The following CAMTA1 variants were observed in gnomAD, a reference collection of about 807,000 sequenced individuals.
CAMTA1 encodes the protein calmodulin binding transcription activator 1, also known as calmodulin-binding transcription activator 1.
A neutral mutation model predicts 170.9 loss-of-function variants in CAMTA1; 27 were observed. That is an observed-to-expected ratio of 0.16 (90% CI 0.12 to 0.22). The LOEUF is 0.22. Among genes scored for constraint, CAMTA1 ranks in the 10% least tolerant of loss-of-function variants. The pLI is 1.00. For synonymous variants in CAMTA1, 833 were observed against 891.5 expected (o/e 0.93, Z 1.17); for missense variants, 1,619 against 2,217.2 (o/e 0.73, Z 5.42).
intron 3 of CAMTA1, among the ~76,000 whole-genome samples, chr1:6,975,885 A>T (rs751979486): frequency 6.6e-6 from 1 of 152,162 alleles, no homozygotes; most frequent in Non-Finnish European, 1.5e-5. Flanking sequence ...TAGACATTTC[A>T]TGTAAACAGG....
chr1:6,835,346 A>G (rs1652534109), intron 3 of CAMTA1, among the ~76,000 whole-genome samples: 2 of 152,176 alleles, frequency 1.3e-5, no homozygotes, highest in Non-Finnish European at 2.9e-5. Context: ...CCTCAGGATA[A>G]AAATACCCAG....
At chr1:7,696,509 T>TAA (rs111832916) in intron 11 of CAMTA1, among the ~76,000 whole-genome samples, 1 of 151,098 alleles carries the variant, frequency 6.6e-6, no homozygotes, top group African/African-American at 2.4e-5. Flanking sequence ...TTTTTTTTTT[T>TAA]AAAATAAATG....
chr1:7,171,279 T>G (rs1271209780), intron 4 of CAMTA1, among the ~76,000 whole-genome samples: 1 of 152,218 alleles, frequency 6.6e-6, no homozygotes, highest in Non-Finnish European at 1.5e-5. Context: ...TATGTGCAAT[T>G]GCCTTGGTTT....
chr1:7,339,062 C>T (rs984044050), intron 5 of CAMTA1, among the ~76,000 whole-genome samples: 5 of 152,118 alleles, frequency 3.3e-5, no homozygotes, highest in South Asian at 2.1e-4. Context: ...ACGAGACCAG[C>T]GAGGGGGAAC....
intron 3 of CAMTA1, among the ~76,000 whole-genome samples, chr1:6,842,227 C>A (rs964114316): frequency 6.6e-6 from 1 of 152,218 alleles, no homozygotes; most frequent in South Asian, 2.1e-4. Flanking sequence ...CCCATTCATT[C>A]CTGGACCCAG....
At chr1:7,284,141 CTT>C (rs1199861335) in intron 5 of CAMTA1, among the ~76,000 whole-genome samples, 10 of 94,952 alleles carry the variant, frequency 1.1e-4, no homozygotes, top group Non-Finnish European at 1.6e-4. Context: ...TCTTCTTCTT[CTT>C]CTTCTTCTTC....
In CAMTA1 at chr1:6,965,043, C is replaced by T. The variant is rs1691271435; in HGVS notation, c.235-126261C>T. On this transcript the variant is annotated intron_variant, in intron 3 of 22. Transcript: ENST00000303635. This position sits in a 1 kb window ranked among gnomAD's most constrained non-coding sequence, Gnocchi z 4.1. ...GTCTGTGCTAACAGAGAGGGAGGGTCTTGTCTGGGAGACTTGCCTGACCCT... is the reference window on the plus strand; with the variant it reads ...GTCTGTGCTAACAGAGAGGGAGGGTTTTGTCTGGGAGACTTGCCTGACCCT... 6.6e-6 allele frequency among the ~76,000 whole-genome samples: 1 copy of T among 152,186 alleles called. No homozygotes were observed. Among genetic ancestry groups the T allele is most frequent in the South Asian group, 2.1e-4 (1 of 4,828 alleles).
intron 3 of CAMTA1, among the ~76,000 whole-genome samples, chr1:7,060,222 G>C (rs1259214094): frequency 1.3e-5 from 2 of 152,210 alleles, no homozygotes; most frequent in Admixed American, 1.3e-4. Flanking sequence ...TCACAGCCCT[G>C]GAGCCCAGAA....
chr1:7,184,563 C>T (rs758174830), intron 4 of CAMTA1, among the ~76,000 whole-genome samples: 2 of 151,842 alleles, frequency 1.3e-5, no homozygotes, highest in African/African-American at 2.4e-5. Flanking sequence ...ATACACAGAT[C>T]TGTGTAGTTT....
intron 5 of CAMTA1, among the ~76,000 whole-genome samples, chr1:7,309,547 C>T (rs1676144303): frequency 1.3e-5 from 2 of 152,004 alleles, no homozygotes; most frequent in South Asian, 2.1e-4. Context: ...GATCCGCCCG[C>T]CTCGGCCTCC....
chr1:7,433,590 C>T (rs948063972), intron 5 of CAMTA1, among the ~76,000 whole-genome samples: 1 of 152,198 alleles, frequency 6.6e-6, no homozygotes, highest in East Asian at 1.9e-4. Flanking sequence ...AATTGATGTA[C>T]GTGAGCACCT....
chr1:7,186,041 T>G (rs577342951), intron 4 of CAMTA1, among the ~76,000 whole-genome samples: 2 of 152,304 alleles, frequency 1.3e-5, no homozygotes, highest in East Asian at 3.9e-4. Flanking sequence ...TGTTCTGATT[T>G]TTAGGGAATA....
At chr1:7,415,988 G>A (rs1293083684) in intron 5 of CAMTA1, among the ~76,000 whole-genome samples, 1 of 152,194 alleles carries the variant, frequency 6.6e-6, no homozygotes, top group Non-Finnish European at 1.5e-5. Context: ...TTGCTTGTCT[G>A]TAAAGTACTT....
rs1433768152 is a variant in CAMTA1 at position 7,639,545 on chromosome 1, G to T, written c.511-855G>T. On this transcript the variant is annotated intron_variant, in intron 6 of 22. Coordinates refer to ENST00000303635, the MANE Select transcript of CAMTA1 (RefSeq NM_015215.4). ...CGCAGCAGTTTGGGAGGCTGAGGTG[G>T]GCGGATTGCTTGAACCCAGGAGTTC... Among the ~76,000 whole-genome samples the T allele has an allele frequency of 1.3e-5, 2 of 152,134 alleles. 1 individual carries two copies. Among genetic ancestry groups the T allele is most frequent in the South Asian group, 4.1e-4 (2 of 4,828 alleles).
Position 7,635,464 on chromosome 1 carries a change from C to A in CAMTA1, c.511-4936C>A, listed in dbSNP as rs1277089099. ...CTACTAAAAAATACAAAACAATTAGCGGGGCACTGTGGCGGGCGCCTGTAC... is the reference window on the plus strand; with the variant it reads ...CTACTAAAAAATACAAAACAATTAGAGGGGCACTGTGGCGGGCGCCTGTAC... On this transcript the variant is annotated intron_variant, in intron 6 of 22. Coordinates refer to ENST00000303635, the MANE Select transcript of CAMTA1 (RefSeq NM_015215.4). The surrounding 1 kb of genome is among the most constrained non-coding windows in gnomAD (Gnocchi z 4.4). 6.6e-6 allele frequency among the ~76,000 whole-genome samples: 1 copy of A among 151,946 alleles called. No individual in the cohort carries two copies. The highest frequency in any genetic ancestry group is 2.4e-5 in the African/African-American group (1 of 41,362).
intron 4 of CAMTA1, among the ~76,000 whole-genome samples, chr1:7,118,646 G>A (rs755764882): frequency 6.6e-6 from 1 of 152,030 alleles, no homozygotes; most frequent in Non-Finnish European, 1.5e-5. Flanking sequence ...GTTTATGACT[G>A]TGTCTCTACA....
intron 4 of CAMTA1, among the ~76,000 whole-genome samples, chr1:7,233,714 C>T (rs559440092): frequency 2.0e-5 from 3 of 152,018 alleles, no homozygotes; most frequent in Admixed American, 6.6e-5. Flanking sequence ...TCCATGGCCT[C>T]GAGAGCAATG....
At chr1:6,872,181 C>A in intron 3 of CAMTA1, 1 of 175,040 alleles carries the variant, frequency 5.7e-6, no homozygotes, top group South Asian at 1.3e-4. Context: ...TTCTCTACTC[C>A]CAAACCACCC....
intron 3 of CAMTA1, among the ~76,000 whole-genome samples, chr1:6,955,798 C>G (rs1046366402): frequency 6.6e-6 from 1 of 152,082 alleles, no homozygotes; most frequent in Non-Finnish European, 1.5e-5. Context: ...TTGGATGGGG[C>G]AGAGGTCAGC....
Sources: allele counts gnomAD v4.1 joint callset (sites outside exome capture counted in the v4.1 genomes callset), GRCh38; gene constraint gnomAD v4.1.1; non-coding constraint Gnocchi (gnomAD v3.1); transcripts MANE v1.5; gene names NCBI Gene and HGNC (gene_info 2026-07-23, HGNC 2026-07-21).